VPS8: variants seen among roughly 807,000 people sequenced by gnomAD.
The protein encoded by VPS8 is vacuolar protein sorting-associated protein 8 homolog.
A neutral mutation model predicts 216.4 loss-of-function variants in VPS8; 129 were observed. The ratio of observed to expected loss-of-function variants is 0.60; its 90% CI spans 0.52 to 0.69. VPS8 has a LOEUF of 0.69. VPS8 is among the 30% of genes least tolerant of loss of function. VPS8 has a pLI of 0.00. For missense variants in VPS8, 1,531 were observed against 1,683.5 expected, an observed-to-expected ratio of 0.91 and a Z score of 1.59; for synonymous variants, 571 against 565.4, an observed-to-expected ratio of 1.01 and a Z score of -0.14.
At chr3:184,920,316 A>C (rs1738383062) in intron 29 of VPS8, 118 bp downstream of exon 29, 1 of 655,094 alleles carries the variant, frequency 1.5e-6, no homozygotes, top group Admixed American at 3.9e-5. Context: ...ATATCGTAAA[A>C]TTTTATTACG....
chr3:185,041,152 C>T (rs551933661), intron 46 of VPS8, among the ~76,000 whole-genome samples: 4 of 151,704 alleles, frequency 2.6e-5, no homozygotes, highest in Non-Finnish European at 5.9e-5. Flanking sequence ...TTGCAGTGAG[C>T]TGAGGTCATG....
intron 46 of VPS8, among the ~76,000 whole-genome samples, chr3:185,040,000 A>G (rs530449782): frequency 2.2e-4 from 34 of 152,308 alleles, no homozygotes; most frequent in Admixed American, 1.4e-3. Context: ...CATTGTTTCA[A>G]CATGGCAAGA....
At chr3:185,028,658 TTC>T (rs1757712265) in intron 46 of VPS8, among the ~76,000 whole-genome samples, 1 of 152,242 alleles carries the variant, frequency 6.6e-6, no homozygotes, top group Non-Finnish European at 1.5e-5. Flanking sequence ...TAGCTATTTT[TTC>T]TCTCAGAAAA....
intron 5 of VPS8, 97 bp from the exon 6 acceptor site, chr3:184,838,617 T>G: frequency 1.0e-6 from 1 of 987,164 alleles, no homozygotes. Context: ...TAATCTAAAT[T>G]GATTTGGAGC....
At chr3:184,959,863 A>T (rs1473840492) in intron 37 of VPS8, among the ~76,000 whole-genome samples, 1 of 150,880 alleles carries the variant, frequency 6.6e-6, no homozygotes, top group African/African-American at 2.4e-5. Flanking sequence ...TTATACTTTA[A>T]GTTCTAGTAT....
In VPS8 at chr3:184,971,632, A is replaced by C. The variant is rs749624190; in HGVS notation, c.3317-17A>C. ...CAACATATCCTTAAATGATGTTTAC[A>C]CTTTTTCTAAATCTAGATACCAAAG... On this transcript the variant is annotated splice_polypyrimidine_tract_variant and intron_variant, in intron 39 of 47. Transcript: ENST00000625842. The C allele has an allele frequency of 1.3e-6, 2 of 1,596,374 alleles. No homozygotes were observed. Among genetic ancestry groups the C allele is most frequent in the African/African-American group, 2.7e-5 (2 of 74,698 alleles).
chr3:185,010,423 C>G (rs922229531), intron 45 of VPS8, among the ~76,000 whole-genome samples: 1 of 151,970 alleles, frequency 6.6e-6, no homozygotes, highest in Admixed American at 6.6e-5. Context: ...CCCATTGAAA[C>G]TAACACAGAA....
intron 45 of VPS8, among the ~76,000 whole-genome samples, chr3:185,001,356 T>C (rs1257463357): frequency 6.6e-6 from 1 of 152,190 alleles, no homozygotes; most frequent in African/African-American, 2.4e-5. Context: ...TGACCCCCTC[T>C]GAGGTTCCAT....
intron 47 of VPS8, among the ~76,000 whole-genome samples, chr3:185,048,893 G>A (rs538400885): frequency 2.0e-5 from 3 of 152,204 alleles, no homozygotes; most frequent in Non-Finnish European, 2.9e-5. Flanking sequence ...TGCCCAATCT[G>A]TCCGAAGCCC....
intron 10 of VPS8, among the ~76,000 whole-genome samples, chr3:184,850,247 C>T (rs1723995787): frequency 6.6e-6 from 1 of 152,150 alleles, no homozygotes. Flanking sequence ...TATGGAAATA[C>T]TCAGCTTCAA....
intron 45 of VPS8, among the ~76,000 whole-genome samples, chr3:185,020,033 A>G (rs1756421548): frequency 6.6e-6 from 1 of 152,372 alleles, no homozygotes; most frequent in East Asian, 1.9e-4. Context: ...AAGTAGTAAT[A>G]TGTATTTTTA....
At chr3:184,949,828 A>G (rs1268595709) in intron 36 of VPS8, among the ~76,000 whole-genome samples, 2 of 152,126 alleles carry the variant, frequency 1.3e-5, no homozygotes, top group Non-Finnish European at 2.9e-5. Flanking sequence ...CTGAAAGTTC[A>G]GCTTAAAGGC....
chr3:184,826,658 T>G (rs1328604809), intron 3 of VPS8, among the ~76,000 whole-genome samples: 2 of 152,214 alleles, frequency 1.3e-5, no homozygotes, highest in Admixed American at 6.5e-5. Context: ...AGATGCAAAA[T>G]TTATGTCACT....
At chr3:184,827,183 T>C (rs557170280) in intron 3 of VPS8, among the ~76,000 whole-genome samples, 88 of 152,358 alleles carry the variant, frequency 5.8e-4, no homozygotes, top group African/African-American at 2.0e-3. Context: ...TCTTTATTAT[T>C]TCTTTGCCTA....
At chr3:184,972,302 G>A (rs1172086350) in intron 40 of VPS8, among the ~76,000 whole-genome samples, 3 of 152,210 alleles carry the variant, frequency 2.0e-5, no homozygotes, top group Non-Finnish European at 2.9e-5. Context: ...GTGCATGAAT[G>A]CTAGATGTGC....
Position 184,915,002 on chromosome 3 carries a change from C to T in VPS8, c.2211C>T (p.Ala737=). Reference sequence around the variant, plus strand: ...CTAGCTGTTGTCTAGCAGGTCGTGCCTATCCCCTTGGTGACATCCCTGAAG... The same window carrying T: ...CTAGCTGTTGTCTAGCAGGTCGTGCTTATCCCCTTGGTGACATCCCTGAAG... ...VYISCCLAGR[A]YPLGDIPEDL... Residue 737 remains alanine (A), a synonymous_variant, in exon 27 of 48, where the codon GCC becomes GCT. Coordinates refer to ENST00000625842, the MANE Select transcript of VPS8 (RefSeq NM_001009921.3). 1 of 1,614,008 alleles carries T rather than the reference C, an allele frequency of 6.2e-7. No individual in the cohort carries two copies. The highest frequency in any genetic ancestry group is 1.1e-5 in the South Asian group (1 of 91,086).
At chr3:185,004,876 A>T (rs1754020084) in intron 45 of VPS8, among the ~76,000 whole-genome samples, 1 of 151,442 alleles carries the variant, frequency 6.6e-6, no homozygotes, top group East Asian at 2.0e-4. Flanking sequence ...ATTAGGTTCC[A>T]TTTATTTATT....
In VPS8 at chr3:184,894,820, C is replaced by G; in HGVS notation, c.1899C>G (p.Pro633=). The G allele has an allele frequency of 6.2e-7, 1 of 1,610,330 alleles. No homozygotes were observed. The highest frequency in any genetic ancestry group is 8.5e-7 in the Non-Finnish European group (1 of 1,178,150). ...GTGATAAATTGGTGGGAATCACACC[C>G]CAAGTAATGAAAGACTTGATTGTTC... is the stretch of plus-strand genomic sequence containing the variant. ...ILSDKLVGIT[P]QVMKDLIVHF... is the part of the protein sequence containing the mutation. Residue 633 remains proline (P), a synonymous_variant, in exon 23 of 48, where the codon CCC becomes CCG. Coordinates refer to ENST00000625842, the MANE Select transcript of VPS8 (RefSeq NM_001009921.3).
intron 46 of VPS8, among the ~76,000 whole-genome samples, chr3:185,040,833 C>T (rs1056319661): frequency 2.0e-5 from 3 of 152,156 alleles, no homozygotes; most frequent in African/African-American, 7.2e-5. Flanking sequence ...GTTTCTGACC[C>T]TTGGGAATCA....
Sources: gnomAD v4.1 joint callset for allele counts (sites outside exome capture counted in the v4.1 genomes callset) on GRCh38, gnomAD v4.1.1 for gene constraint, MANE v1.5 for transcripts, NCBI Gene and HGNC (gene_info 2026-07-23, HGNC 2026-07-21) for gene names.